Variants in UNC5D observed in about 807,000 individuals in gnomAD.
The protein encoded by UNC5D is netrin receptor UNC5D.
Under a neutral mutation model 105.4 loss-of-function variants are expected in UNC5D, and 39 were observed. The observed-to-expected ratio is 0.37, with a 90% CI of 0.29 to 0.48. UNC5D has a LOEUF of 0.48. Among genes scored for constraint, UNC5D ranks in the 20% least tolerant of loss-of-function variants. The probability of loss-of-function intolerance (pLI) is 0.98; values close to 1 mark genes in which losing one functional copy is unlikely to be tolerated. For missense variants in UNC5D, 991 were observed against 1,202.4 expected (o/e 0.82, Z 2.60); for synonymous variants, 452 against 450.4 (o/e 1.00, Z -0.04).
In UNC5D at chr8:35,634,270, AG is replaced by A. The variant is rs572828631; in HGVS notation, c.570+38615del. Among the ~76,000 whole-genome samples, 215 of 152,342 alleles carry A rather than the reference AG, an allele frequency of 1.4e-3. 1 individual carries two copies. The highest frequency in any genetic ancestry group is 3.1e-3 in the Admixed American group (47 of 15,302). On this transcript the variant is annotated intron_variant, in intron 4 of 16. Transcript: ENST00000404895. ...ATCACACAGAATTTCCATTCAATCA[AG>A]GCAAGTAAGCACGGCACACGCATTT...
Position 35,264,729 on chromosome 8 carries a change from C to CAA in UNC5D, c.103+28865_103+28866dup, listed in dbSNP as rs6150548. Among the ~76,000 whole-genome samples, 767 of 142,324 alleles carry CAA rather than the reference C, an allele frequency of 5.4e-3. 5 individuals are homozygous for CAA. Among genetic ancestry groups the CAA allele is most frequent in the Non-Finnish European group, 8.6e-3 (568 of 65,980 alleles). The allele number at this position is 142,324 out of a possible 152,430, so 93.4% of individuals were successfully genotyped here. On this transcript the variant is annotated intron_variant, in intron 1 of 16. Transcript: ENST00000404895. ...TGGGTGATGGAGCAAGACTCTGTCT[C>CAA]AAAAAAAAAAAAAAAAAAAAAAAAG... is the stretch of plus-strand genomic sequence containing the variant.
At chr8:35,784,451 G>A (rs1412853922) in intron 16 of UNC5D, among the ~76,000 whole-genome samples, 1 of 152,072 alleles carries the variant, frequency 6.6e-6, no homozygotes, top group Non-Finnish European at 1.5e-5. Flanking sequence ...CTAAAATTTA[G>A]AGATTAGATT....
chr8:35,508,585 A>G (rs1812486204), intron 1 of UNC5D, among the ~76,000 whole-genome samples: 1 of 152,234 alleles, frequency 6.6e-6, no homozygotes, highest in South Asian at 2.1e-4. Context: ...TTTTTGAAGC[A>G]CTGCTGGGAG....
chr8:35,593,706 T>C (rs1339578142), intron 3 of UNC5D, among the ~76,000 whole-genome samples: 1 of 152,120 alleles, frequency 6.6e-6, no homozygotes, highest in Non-Finnish European at 1.5e-5. Context: ...AAGGTTACGG[T>C]GAGCTATGTT....
chr8:35,375,973 G>T (rs945655830), intron 1 of UNC5D, among the ~76,000 whole-genome samples: 4 of 152,138 alleles, frequency 2.6e-5, no homozygotes, highest in Non-Finnish European at 1.5e-5. Context: ...AGAAATTTGA[G>T]ATGTTTCCAG....
intron 13 of UNC5D, among the ~76,000 whole-genome samples, chr8:35,752,617 T>C (rs1193443820): frequency 1.3e-5 from 2 of 152,116 alleles, no homozygotes; most frequent in African/African-American, 2.4e-5. Flanking sequence ...CCTCCCACCA[T>C]TGTCATTTAA....
chr8:35,506,714 T>C (rs902889083), intron 1 of UNC5D, among the ~76,000 whole-genome samples: 4 of 152,174 alleles, frequency 2.6e-5, no homozygotes, highest in Non-Finnish European at 5.9e-5. Context: ...CTGAGAGCAC[T>C]GATTGAATAC....
chr8:35,785,258 T>C (rs1802691880), intron 16 of UNC5D, among the ~76,000 whole-genome samples: 1 of 152,200 alleles, frequency 6.6e-6, no homozygotes, highest in Admixed American at 6.5e-5. Context: ...ATGAGATGGA[T>C]ACATGGCAAA....
At chr8:35,629,614 G>A (rs969432772) in intron 4 of UNC5D, among the ~76,000 whole-genome samples, 3 of 151,898 alleles carry the variant, frequency 2.0e-5, no homozygotes, top group South Asian at 4.2e-4. Flanking sequence ...TTGGGTGGTG[G>A]GTAGATTAAA....
chr8:35,607,198 G>T (rs745740018), intron 4 of UNC5D, among the ~76,000 whole-genome samples: 1 of 152,198 alleles, frequency 6.6e-6, no homozygotes, highest in African/African-American at 2.4e-5. Flanking sequence ...GCTGTGGAAC[G>T]AGGGAACAAA....
intron 1 of UNC5D, among the ~76,000 whole-genome samples, chr8:35,393,818 T>G (rs1023581316): frequency 6.6e-6 from 1 of 152,244 alleles, no homozygotes; most frequent in Non-Finnish European, 1.5e-5. Context: ...AAGGCCTGTT[T>G]TAAGGAAAGG....
chr8:35,719,231 A>C (rs551577493), intron 8 of UNC5D, among the ~76,000 whole-genome samples: 1 of 152,082 alleles, frequency 6.6e-6, no homozygotes, highest in East Asian at 1.9e-4. Context: ...AAAAATCTAG[A>C]ACTAAACCTT....
At chr8:35,253,334 T>C (rs1414018018) in intron 1 of UNC5D, among the ~76,000 whole-genome samples, 1 of 152,106 alleles carries the variant, frequency 6.6e-6, no homozygotes, top group African/African-American at 2.4e-5. Context: ...TAGGAAATTC[T>C]TCTTAAATTT....
intron 13 of UNC5D, among the ~76,000 whole-genome samples, chr8:35,752,149 T>C (rs1830312370): frequency 6.6e-6 from 1 of 152,150 alleles, no homozygotes; most frequent in African/African-American, 2.4e-5. Flanking sequence ...CCATTTTTGG[T>C]ACTTTTAATC....
At chr8:35,338,351 C>T (rs1811207035) in intron 1 of UNC5D, among the ~76,000 whole-genome samples, 1 of 151,968 alleles carries the variant, frequency 6.6e-6, no homozygotes, top group Non-Finnish European at 1.5e-5. Flanking sequence ...GTGCTTAAAA[C>T]TCAGTGATAT....
intron 1 of UNC5D, among the ~76,000 whole-genome samples, chr8:35,460,204 T>G (rs1198146039): frequency 1.3e-5 from 2 of 152,168 alleles, no homozygotes; most frequent in Admixed American, 1.3e-4. Context: ...TGCCAGATAT[T>G]AGCTCTGCTG....
intron 16 of UNC5D, among the ~76,000 whole-genome samples, chr8:35,784,337 C>T (rs1802642145): frequency 6.6e-6 from 1 of 152,112 alleles, no homozygotes; most frequent in Admixed American, 6.6e-5. Context: ...CTGTATTTTA[C>T]AGTTTATCTG....
chr8:35,520,435 G>A (rs955987304), intron 1 of UNC5D, among the ~76,000 whole-genome samples: 11 of 152,064 alleles, frequency 7.2e-5, no homozygotes, highest in Non-Finnish European at 1.0e-4. Context: ...CTGTTAATGG[G>A]TTCAGGATTT....
At chr8:35,748,772 A>C in intron 12 of UNC5D, 77 bp downstream of exon 12, 1 of 1,480,742 alleles carries the variant, frequency 6.8e-7, no homozygotes, top group Non-Finnish European at 9.1e-7. Flanking sequence ...TTAACATCTA[A>C]CACCACAAAT....
Sources: gnomAD v4.1 joint callset for allele counts (sites outside exome capture counted in the v4.1 genomes callset) on GRCh38, gnomAD v4.1.1 for gene constraint, MANE v1.5 for transcripts, NCBI Gene and HGNC (gene_info 2026-07-23, HGNC 2026-07-21) for gene names.